Variants in MED13L observed in about 807,000 individuals in gnomAD.
The protein encoded by MED13L is mediator of RNA polymerase II transcription subunit 13-like.
A neutral mutation model predicts 220.9 loss-of-function variants in MED13L; 7 were observed. The ratio of observed to expected loss-of-function variants is 0.03; its 90% confidence interval spans 0.02 to 0.06. The LOEUF (loss-of-function observed/expected upper bound fraction) is 0.06. Among genes scored for constraint, MED13L ranks in the 10% least tolerant of loss-of-function variants. The pLI, the probability that MED13L is intolerant of heterozygous loss-of-function variation, is 1.00. For missense variants in MED13L, 1,965 were observed against 2,760.5 expected, an observed-to-expected ratio of 0.71 and a Z score of 6.46; for synonymous variants, 1,011 against 1,015.2, an observed-to-expected ratio of 1.00 and a Z score of 0.08.
At chr12:116,208,888 G>C (rs1468994451) in intron 2 of MED13L, among the ~76,000 whole-genome samples, 1 of 152,052 alleles carries the variant, frequency 6.6e-6, no homozygotes. Context: ...AGGATCACTT[G>C]AGCCCCAGAG....
At chr12:115,992,242 C>T (rs1878112899) in intron 16 of MED13L, among the ~76,000 whole-genome samples, 1 of 152,124 alleles carries the variant, frequency 6.6e-6, no homozygotes, top group Non-Finnish European at 1.5e-5. Flanking sequence ...CTTGAAGGAA[C>T]TTTTACTATT....
rs529855715 is a variant in MED13L, at chr12:115,960,548, G to A, written c.*718C>T. On this transcript the variant is annotated 3_prime_UTR_variant, in exon 31 of 31. Coordinates refer to ENST00000281928, the MANE Select transcript of MED13L (RefSeq NM_015335.5). ...TCCTTTTCCGGCTTCTAGGACAGAG[G>A]TATGTAGTCAAAGAATCCTATGGTG... 1.3e-5 allele frequency: 2 copies of A among 153,472 alleles called. No homozygotes were observed. Among genetic ancestry groups the A allele is most frequent in the South Asian group, 2.0e-4 (1 of 4,896 alleles). 9.5% of individuals were successfully genotyped at this position (153,472 alleles called of 1,614,324 possible).
intron 2 of MED13L, among the ~76,000 whole-genome samples, chr12:116,131,686 T>C (rs1463283930): frequency 1.3e-5 from 2 of 152,164 alleles, no homozygotes; most frequent in African/African-American, 4.8e-5. Context: ...TGCAATCACA[T>C]TTTAGAAATA....
At chr12:116,003,497 CTT>C (rs35808476) in intron 13 of MED13L, among the ~76,000 whole-genome samples, 24 of 141,280 alleles carry the variant, frequency 1.7e-4, no homozygotes, top group South Asian at 1.6e-3. Flanking sequence ...CCCTCCAATT[CTT>C]TTTTTTTTTT....
At chr12:116,063,787 A>G (rs1869701544) in intron 4 of MED13L, among the ~76,000 whole-genome samples, 1 of 152,218 alleles carries the variant, frequency 6.6e-6, no homozygotes, top group South Asian at 2.1e-4. Flanking sequence ...TTACTAATAC[A>G]AAAATATAAA....
chr12:116,105,358 A>G (rs920876339), intron 3 of MED13L, among the ~76,000 whole-genome samples: 1 of 152,232 alleles, frequency 6.6e-6, no homozygotes, highest in Non-Finnish European at 1.5e-5. Flanking sequence ...GAGACTCTAC[A>G]TAAGTAAAAA....
In MED13L at chr12:115,982,508, G is replaced by A. The variant is rs907555134; in HGVS notation, c.5051C>T (p.Pro1684Leu). 3 of 1,614,126 alleles carry A rather than the reference G, an allele frequency of 1.9e-6. No homozygotes were observed. Among genetic ancestry groups the A allele is most frequent in the East Asian group, 2.2e-5 (1 of 44,864 alleles). The part of the protein sequence containing the change: ...PPAVVIYMVD[P>L]FTYAAEEDST... Reference sequence around the variant, plus strand: ...GTCCTCCTCTGCAGCATACGTGAACGGGTCCACCATGTAAATGACAACAGC... The same window carrying A: ...GTCCTCCTCTGCAGCATACGTGAACAGGTCCACCATGTAAATGACAACAGC... Residue 1684 changes from proline to leucine, a missense_variant, in exon 22 of 31, where the codon CCG becomes CTG. By Grantham distance (98) the Pro-to-Leu change is moderately conservative (BLOSUM62 -3). Coordinates refer to ENST00000281928, the MANE Select transcript of MED13L (RefSeq NM_015335.5).
At chr12:116,199,872 A>C (rs1229165224) in intron 2 of MED13L, among the ~76,000 whole-genome samples, 1 of 152,184 alleles carries the variant, frequency 6.6e-6, no homozygotes, top group Non-Finnish European at 1.5e-5. Flanking sequence ...ATCAGTCAGA[A>C]GGACAAATTT....
At chr12:115,973,023 C>A (rs1876694937) in intron 25 of MED13L, among the ~76,000 whole-genome samples, 1 of 152,164 alleles carries the variant, frequency 6.6e-6, no homozygotes, top group African/African-American at 2.4e-5. Flanking sequence ...GGCTGCTCTA[C>A]CTCCACACTT....
At chr12:116,162,388 CTAAA>C (rs148074292) in intron 2 of MED13L, among the ~76,000 whole-genome samples, 98 of 152,202 alleles carry the variant, frequency 6.4e-4, no homozygotes, top group African/African-American at 2.3e-3. Context: ...AGATACATAA[CTAAA>C]TGAGTTTTAA....
Position 115,991,041 on chromosome 12 carries a change from G to A in MED13L, c.3913C>T (p.His1305Tyr), listed in dbSNP as rs1231044656. Residue 1305 changes from histidine to tyrosine, a missense_variant, in exon 17 of 31, where the codon CAC becomes TAC. Transcript: ENST00000281928. The surrounding 1 kb of genome is among the most constrained non-coding windows in gnomAD (Gnocchi z 7.7). ...DEALVRSATV[H>Y]SWPHSNVLDI... The stretch of plus-strand genomic sequence containing the variant: ...CTACCATTGCTGTGAGGCCAAGAGT[G>A]CACAGTGGCACTTCTCACCAGAGCT... The A allele has an allele frequency of 1.2e-6, 2 of 1,614,044 alleles. No homozygotes were observed. The highest frequency in any genetic ancestry group is 1.7e-6 in the Non-Finnish European group (2 of 1,180,020).
intron 2 of MED13L, among the ~76,000 whole-genome samples, chr12:116,137,427 A>G (rs1372971266): frequency 2.0e-5 from 3 of 152,192 alleles, no homozygotes; most frequent in Non-Finnish European, 4.4e-5. Flanking sequence ...CTCAAGGCCA[A>G]AAAGATAACA....
intron 2 of MED13L, among the ~76,000 whole-genome samples, chr12:116,116,306 T>C (rs1337254046): frequency 6.6e-6 from 1 of 152,052 alleles, no homozygotes; most frequent in African/African-American, 2.4e-5. Context: ...CAATTAACAA[T>C]GATTTAATGA....
chr12:116,218,920 G>C (rs748105409), intron 2 of MED13L, among the ~76,000 whole-genome samples: 17 of 152,010 alleles, frequency 1.1e-4, no homozygotes, highest in South Asian at 2.1e-4. Context: ...TATTTTTGTA[G>C]AGACAGGATT....
chr12:116,127,746 C>T (rs1376029302), intron 2 of MED13L, among the ~76,000 whole-genome samples: 2 of 152,220 alleles, frequency 1.3e-5, no homozygotes, highest in East Asian at 3.8e-4. Flanking sequence ...TCACTCAAAG[C>T]ACCTGAAGTC....
At chr12:116,164,753 C>G (rs1208194050) in intron 2 of MED13L, among the ~76,000 whole-genome samples, 1 of 152,130 alleles carries the variant, frequency 6.6e-6, no homozygotes, top group Admixed American at 6.5e-5. Context: ...TTGCTAGTTA[C>G]AAAGAAAGCA....
chr12:116,220,326 G>C (rs1311470015), intron 2 of MED13L, among the ~76,000 whole-genome samples: 1 of 152,088 alleles, frequency 6.6e-6, no homozygotes, highest in Admixed American at 6.5e-5. Context: ...AGATTTCCAA[G>C]AGAAAACTAT....
At chr12:116,126,270 G>A (rs896650055) in intron 2 of MED13L, among the ~76,000 whole-genome samples, 1 of 152,134 alleles carries the variant, frequency 6.6e-6, no homozygotes, top group African/African-American at 2.4e-5. Flanking sequence ...ATTTACAGTC[G>A]CAGTGGTGTG....
At chr12:116,026,055 A>G (rs1880372173) in intron 4 of MED13L, among the ~76,000 whole-genome samples, 1 of 152,196 alleles carries the variant, frequency 6.6e-6, no homozygotes, top group Non-Finnish European at 1.5e-5. Context: ...AAAAAGAAAA[A>G]GTAAGAGAAA....
Sources: gnomAD v4.1 joint callset for allele counts (sites outside exome capture counted in the v4.1 genomes callset) on GRCh38, gnomAD v4.1.1 for gene constraint, Gnocchi (gnomAD v3.1) non-coding constraint, MANE v1.5 for transcripts, NCBI Gene and HGNC (gene_info 2026-07-23, HGNC 2026-07-21) for gene names.